The following SDK2 variants were observed in gnomAD, a reference collection of about 807,000 sequenced individuals.
The protein encoded by SDK2 is protein sidekick-2.
A neutral mutation model predicts 253.9 loss-of-function variants in SDK2; 105 were observed. That is an observed-to-expected ratio of 0.41 (90% CI 0.35 to 0.49). SDK2 has a LOEUF of 0.49. Ranked by LOEUF, SDK2 falls within the 20% of genes least tolerant of loss-of-function variation. The pLI, the probability that SDK2 is intolerant of heterozygous loss-of-function variation, is 0.06. For missense variants in SDK2, 2,608 were observed against 3,003.0 expected, an observed-to-expected ratio of 0.87 and a Z score of 3.07; for synonymous variants, 1,249 against 1,234.9, an observed-to-expected ratio of 1.01 and a Z score of -0.24.
At chr17:73,356,807 G>A (rs2062595990) in intron 40 of SDK2, among the ~76,000 whole-genome samples, 2 of 152,158 alleles carry the variant, frequency 1.3e-5, no homozygotes, top group African/African-American at 2.4e-5. Context: ...TTTATGCTCA[G>A]GTCTTGATTC....
At chr17:73,600,521 T>TG (rs1332353830) in intron 1 of SDK2, among the ~76,000 whole-genome samples, 5 of 152,104 alleles carry the variant, frequency 3.3e-5, no homozygotes, top group Admixed American at 1.3e-4. Flanking sequence ...AGGGCTTCTC[T>TG]GGGGCAGAGC....
At chr17:73,514,554 G>C (rs2064007988) in intron 1 of SDK2, among the ~76,000 whole-genome samples, 1 of 152,156 alleles carries the variant, frequency 6.6e-6, no homozygotes, top group South Asian at 2.1e-4. Context: ...TGCTGGGAAT[G>C]GGTCGGTGGG....
chr17:73,338,889 A>C lies in SDK2; in HGVS notation c.6217T>G (p.Phe2073Val), dbSNP rs899147170. 1.2e-6 allele frequency: 2 copies of C among 1,613,876 alleles called. No individual in the cohort carries two copies. The highest frequency in any genetic ancestry group is 1.7e-6 in the Non-Finnish European group (2 of 1,179,896). ...VDSNHQKAHS[F>V]VNHYISDPTY... is the part of the protein sequence containing the mutation. The stretch of plus-strand genomic sequence containing the variant: ...GGGTCACTGATGTAGTGGTTGACAA[A>C]GGAGTGGGCCTTCTGGTGGTTTGAG... Residue 2073 changes from phenylalanine (F) to valine (V), a missense_variant, in exon 45 of 45, where the codon TTT becomes GTT. Coordinates refer to ENST00000392650, the MANE Select transcript of SDK2 (RefSeq NM_001144952.2). This position sits in a 1 kb window ranked among gnomAD's most constrained non-coding sequence, Gnocchi z 5.0.
intron 4 of SDK2, among the ~76,000 whole-genome samples, chr17:73,452,587 G>A (rs540914133): frequency 6.6e-6 from 1 of 152,206 alleles, no homozygotes; most frequent in African/African-American, 2.4e-5. Context: ...AGGAGGTGAA[G>A]AGGTGTTAGG....
chr17:73,398,513 G>A (rs1167163141), intron 22 of SDK2, 84 bp from the exon 23 acceptor site: 1 of 1,218,726 alleles, frequency 8.2e-7, no homozygotes, highest in African/African-American at 1.5e-5. Flanking sequence ...CCCTGCCAGG[G>A]AAGAAGTTGG....
chr17:73,482,288 A>AAGC, intron 2 of SDK2, among the ~76,000 whole-genome samples: 1 of 150,694 alleles, frequency 6.6e-6, no homozygotes, highest in Non-Finnish European at 1.5e-5. Flanking sequence ...AAAGAAGAAG[A>AAGC]AGCAGGTCTG....
intron 24 of SDK2, among the ~76,000 whole-genome samples, chr17:73,396,559 C>T (rs755812257): frequency 2.6e-5 from 4 of 152,214 alleles, no homozygotes; most frequent in Non-Finnish European, 4.4e-5. Flanking sequence ...GACCAAAGAC[C>T]ATTAAGATAG....
intron 2 of SDK2, among the ~76,000 whole-genome samples, chr17:73,506,795 T>G (rs573234374): frequency 6.6e-6 from 1 of 152,314 alleles, no homozygotes; most frequent in African/African-American, 2.4e-5. Context: ...AGGGGCTGCT[T>G]CCCTGCTGGC....
chr17:73,506,302 C>A (rs1163216833), intron 2 of SDK2, among the ~76,000 whole-genome samples: 3 of 152,158 alleles, frequency 2.0e-5, no homozygotes, highest in Non-Finnish European at 2.9e-5. Flanking sequence ...TCCTGGAGAA[C>A]CGGAGGCCCA....
chr17:73,548,491 G>C (rs1325836929), intron 1 of SDK2, among the ~76,000 whole-genome samples: 1 of 152,232 alleles, frequency 6.6e-6, no homozygotes, highest in East Asian at 1.9e-4. Flanking sequence ...TATTCCTCCT[G>C]GGGTGGGGGA....
rs1215237524 is a variant in SDK2 at position 73,338,560 on chromosome 17, C to G, written c.*27G>C. ...GTGAAGGAGGAGTTTGGTGCCATTT[C>G]TCTTTCTGCTTTTTCCTCTTCTGAT... On this transcript the variant is annotated 3_prime_UTR_variant, in exon 45 of 45. Coordinates refer to ENST00000392650, the MANE Select transcript of SDK2 (RefSeq NM_001144952.2). This position sits in a 1 kb window ranked among gnomAD's most constrained non-coding sequence, Gnocchi z 5.0. 3 of 1,383,510 alleles carry G rather than the reference C, an allele frequency of 2.2e-6. No individual in the cohort carries two copies. In the African/African-American group the frequency reaches 4.3e-5, roughly 20 times the overall value. 85.7% of individuals were successfully genotyped at this position (1,383,510 alleles called of 1,614,324 possible).
At chr17:73,413,867 C>T (rs943987372) in intron 18 of SDK2, among the ~76,000 whole-genome samples, 2 of 152,130 alleles carry the variant, frequency 1.3e-5, no homozygotes, top group Non-Finnish European at 2.9e-5. Context: ...GGACTTTAAC[C>T]ACCAAGTCTG....
intron 2 of SDK2, among the ~76,000 whole-genome samples, chr17:73,491,883 G>C (rs1366811233): frequency 6.6e-6 from 1 of 152,182 alleles, no homozygotes; most frequent in African/African-American, 2.4e-5. Flanking sequence ...GTGGGCTTTG[G>C]GGTAATGGCC....
intron 1 of SDK2, among the ~76,000 whole-genome samples, chr17:73,559,598 GC>G (rs10633523): frequency 3.3e-5 from 4 of 122,190 alleles, no homozygotes; most frequent in African/African-American, 1.6e-4. Context: ...CGCTCCCTGT[GC>G]CCCCCGCCCC....
intron 1 of SDK2, among the ~76,000 whole-genome samples, chr17:73,557,258 T>C (rs762320789): frequency 6.6e-6 from 1 of 152,046 alleles, no homozygotes; most frequent in Non-Finnish European, 1.5e-5. Context: ...AAGCTCGACC[T>C]TGCCAAGGCT....
Position 73,447,618 on chromosome 17 carries a change from C to G in SDK2, c.610G>C (p.Glu204Gln), listed in dbSNP as rs568104292. ...KTSQPITLTV[E>Q]NVGGPADPIA... ...TCCCGGCCCTGTGCGTACTTACTCTCCACGGTGAGCGTGATGGGCTGGCTG... is the reference window on the plus strand; with the variant it reads ...TCCCGGCCCTGTGCGTACTTACTCTGCACGGTGAGCGTGATGGGCTGGCTG... Residue 204 changes from glutamate (E) to glutamine (Q), a missense_variant, in exon 5 of 45, where the codon GAG becomes CAG. Transcript: ENST00000392650. This position sits in a 1 kb window ranked among gnomAD's most constrained non-coding sequence, Gnocchi z 4.0. 1.5e-5 allele frequency: 24 copies of G among 1,551,962 alleles called. No individual in the cohort carries two copies. In the South Asian group the frequency reaches 2.6e-4, roughly 17 times the overall value.
rs145884780 is a variant in SDK2, at chr17:73,361,727, G to T, written c.5424C>A (p.Tyr1808Ter). ...TGACGTTGGCTTCGATCTCCGGCCC[G>T]TAGGTGAAGGTCTTGGCTCTGATGC... ...RFRIRAKTFT[Y>*]GPEIEANVTT... Residue 1808 changes from tyrosine (Y) to a stop codon, truncating the protein, a stop_gained, in exon 39 of 45, where the codon TAC becomes TAA. Coordinates refer to ENST00000392650, the MANE Select transcript of SDK2 (RefSeq NM_001144952.2). LOFTEE classifies it high-confidence loss of function. This position sits in a 1 kb window ranked among gnomAD's most constrained non-coding sequence, Gnocchi z 4.1. 1 of 1,612,706 alleles carries T rather than the reference G, an allele frequency of 6.2e-7. No homozygotes were observed. Among genetic ancestry groups the T allele is most frequent in the Non-Finnish European group, 8.5e-7 (1 of 1,178,950 alleles).
At chr17:73,505,506 G>T (rs2145756163) in intron 2 of SDK2, among the ~76,000 whole-genome samples, 1 of 151,900 alleles carries the variant, frequency 6.6e-6, no homozygotes, top group East Asian at 1.9e-4. Flanking sequence ...ATCCTCAATA[G>T]CTGGACCTCA....
At chr17:73,416,574 G>C (rs913586952) in intron 16 of SDK2, among the ~76,000 whole-genome samples, 1 of 151,742 alleles carries the variant, frequency 6.6e-6, no homozygotes, top group East Asian at 1.9e-4. Flanking sequence ...ACAGGTTGGC[G>C]TACACACAGA....
Sources: gnomAD v4.1 joint callset for allele counts (sites outside exome capture counted in the v4.1 genomes callset) on GRCh38, gnomAD v4.1.1 for gene constraint, Gnocchi (gnomAD v3.1) non-coding constraint, MANE v1.5 for transcripts, NCBI Gene and HGNC (gene_info 2026-07-23, HGNC 2026-07-21) for gene names.